The following VWC2L variants were observed in gnomAD, a reference collection of about 807,000 sequenced individuals.
The protein encoded by VWC2L is von Willebrand factor C domain-containing protein 2-like.
Under a neutral mutation model 21.6 loss-of-function variants are expected in VWC2L, and 10 were observed. The ratio of observed to expected loss-of-function variants is 0.46; its 90% CI spans 0.29 to 0.78. The LOEUF is 0.78. Ranked by LOEUF, VWC2L falls within the 30% of genes least tolerant of loss-of-function variation. VWC2L has a pLI of 0.10. For missense variants in VWC2L, 209 were observed against 277.1 expected, an observed-to-expected ratio of 0.75 and a Z score of 1.74; for synonymous variants, 96 against 94.3, an observed-to-expected ratio of 1.02 and a Z score of -0.10.
At chr2:214,531,513 T>TC (rs1251223148) in intron 3 of VWC2L, among the ~76,000 whole-genome samples, 4 of 152,152 alleles carry the variant, frequency 2.6e-5, no homozygotes, top group African/African-American at 9.7e-5. Context: ...TTAGATCTAT[T>TC]CTACAGGTAA....
intron 3 of VWC2L, among the ~76,000 whole-genome samples, chr2:214,534,786 A>G (rs1192695080): frequency 6.6e-6 from 1 of 152,132 alleles, no homozygotes; most frequent in Non-Finnish European, 1.5e-5. Flanking sequence ...TCCAGTTCTG[A>G]AAGTCTGTGA....
At chr2:214,442,450 A>G (rs1277129058) in intron 3 of VWC2L, among the ~76,000 whole-genome samples, 1 of 152,210 alleles carries the variant, frequency 6.6e-6, no homozygotes, top group African/African-American at 2.4e-5. Flanking sequence ...TCACTAAAAA[A>G]TCAAATTAGA....
At chr2:214,445,134 T>C (rs1009223519) in intron 3 of VWC2L, among the ~76,000 whole-genome samples, 4 of 151,902 alleles carry the variant, frequency 2.6e-5, no homozygotes, top group African/African-American at 7.2e-5. Flanking sequence ...AGGTAAAATG[T>C]AACAAGCATT....
intron 3 of VWC2L, among the ~76,000 whole-genome samples, chr2:214,464,376 A>G (rs1703186202): frequency 6.6e-6 from 1 of 152,168 alleles, no homozygotes; most frequent in African/African-American, 2.4e-5. Context: ...GACCAGTAAC[A>G]CCGAGACTCT....
At chr2:214,461,813 T>G (rs921771117) in intron 3 of VWC2L, among the ~76,000 whole-genome samples, 1 of 152,070 alleles carries the variant, frequency 6.6e-6, no homozygotes, top group Non-Finnish European at 1.5e-5. Flanking sequence ...AGTGGCGGTA[T>G]GTGGAGAAAG....
In VWC2L at chr2:214,488,311, C is replaced by T. The variant is rs796559877; in HGVS notation, c.520+51553C>T. Among the ~76,000 whole-genome samples the T allele has an allele frequency of 6.6e-5, 10 of 152,274 alleles. 1 individual carries two copies. Among genetic ancestry groups the T allele is most frequent in the African/African-American group, 2.4e-4 (10 of 41,568 alleles). ...AGAGAATTCAACCTGGTCAAGAAGT[C>T]ACAAGGCTGGGCATGGTGGTTCACA... On this transcript the variant is annotated intron_variant, in intron 3 of 3. Transcript: ENST00000312504.
At position 214,436,722 on chromosome 2, in the gene VWC2L, T is replaced by G; in HGVS notation, c.484T>G (p.Tyr162Asp). The part of the protein sequence containing the change: ...CAVPECVNPV[Y>D]EPEQCCPVCK... ...AGTTCCTGAGTGTGTCAACCCAGTCTATGAACCAGAACAATGTTGTCCTGT... is the reference window on the plus strand; with the variant it reads ...AGTTCCTGAGTGTGTCAACCCAGTCGATGAACCAGAACAATGTTGTCCTGT... Residue 162 changes from tyrosine to aspartate, a missense_variant, in exon 3 of 4, where the codon TAT (tyrosine) becomes GAT (aspartate). Physicochemically the swap from Tyr to Asp is radical, Grantham distance 160. Transcript: ENST00000312504. The G allele has an allele frequency of 6.2e-7, 1 of 1,613,388 alleles. No individual in the cohort carries two copies. The highest frequency in any genetic ancestry group is 8.5e-7 in the Non-Finnish European group (1 of 1,179,458).
chr2:214,440,621 T>G (rs1702752111), intron 3 of VWC2L, among the ~76,000 whole-genome samples: 1 of 152,120 alleles, frequency 6.6e-6, no homozygotes, highest in South Asian at 2.1e-4. Flanking sequence ...TGTGGCTATA[T>G]GTATATATTT....
chr2:214,559,219 C>CA (rs1689924680), intron 3 of VWC2L, among the ~76,000 whole-genome samples: 1 of 151,810 alleles, frequency 6.6e-6, no homozygotes, highest in Non-Finnish European at 1.5e-5. Flanking sequence ...TTTATGCAGC[C>CA]AAAAAACACA....
chr2:214,418,955 A>G (rs1388461759), intron 2 of VWC2L, among the ~76,000 whole-genome samples: 1 of 152,190 alleles, frequency 6.6e-6, no homozygotes, highest in Non-Finnish European at 1.5e-5. Flanking sequence ...ATGACTACCC[A>G]GTGTTTTAGC....
intron 3 of VWC2L, among the ~76,000 whole-genome samples, chr2:214,539,102 G>A (rs982221514): frequency 1.3e-4 from 20 of 152,012 alleles, no homozygotes; most frequent in Non-Finnish European, 5.9e-5. Flanking sequence ...TTTTTAAAAG[G>A]CAACGTGATG....
At chr2:214,420,713 T>G (rs1702425776) in intron 2 of VWC2L, among the ~76,000 whole-genome samples, 3 of 152,318 alleles carry the variant, frequency 2.0e-5, no homozygotes, top group Admixed American at 2.0e-4. Context: ...GGGGCATTTT[T>G]AAGATACTAT....
In VWC2L at chr2:214,538,210, G is replaced by T. The variant is rs79571027; in HGVS notation, c.521-37462G>T. ...CACTATTCATTGACAACCGCTAAATGGCTCTTCATGAACTGTTCATTCACT... is the reference window on the plus strand; with the variant it reads ...CACTATTCATTGACAACCGCTAAATTGCTCTTCATGAACTGTTCATTCACT... On this transcript the variant is annotated intron_variant, in intron 3 of 3. Transcript: ENST00000312504. Among the ~76,000 whole-genome samples the T allele has an allele frequency of 2.0e-3, 304 of 152,072 alleles. 3 individuals carry two copies. The East Asian group carries it at 0.031, about 16-fold the overall frequency.
At chr2:214,462,958 T>C (rs1703163493) in intron 3 of VWC2L, among the ~76,000 whole-genome samples, 1 of 152,332 alleles carries the variant, frequency 6.6e-6, no homozygotes, top group African/African-American at 2.4e-5. Context: ...TGTCTGTTTG[T>C]GATTTAATTC....
intron 3 of VWC2L, among the ~76,000 whole-genome samples, chr2:214,559,295 C>T (rs1467182139): frequency 6.6e-6 from 1 of 152,154 alleles, no homozygotes; most frequent in Non-Finnish European, 1.5e-5. Flanking sequence ...GAGAAACCAT[C>T]TCACACCAGT....
rs190991547 is a variant in VWC2L, at chr2:214,574,823, C to T, written c.521-849C>T. 9.1e-4 allele frequency among the ~76,000 whole-genome samples: 138 copies of T among 151,306 alleles called. 1 individual carries two copies. Among genetic ancestry groups the T allele is most frequent in the Non-Finnish European group, 1.5e-3 (99 of 67,886 alleles). On this transcript the variant is annotated intron_variant, in intron 3 of 3. Transcript: ENST00000312504. ...CTAACACTGAACACTGATATTCCTA[C>T]GTTGGGAAGGTCAAAAAATGCAAGA...
chr2:214,486,051 A>G (rs1688668153), intron 3 of VWC2L, among the ~76,000 whole-genome samples: 1 of 152,086 alleles, frequency 6.6e-6, no homozygotes, highest in Admixed American at 6.5e-5. Context: ...GTGTCATGTA[A>G]TATGTGTACT....
Position 214,575,792 on chromosome 2 carries a change from G to A in VWC2L, c.641G>A (p.Arg214His), listed in dbSNP as rs752593242. 1.3e-5 allele frequency: 21 copies of A among 1,613,250 alleles called. No individual in the cohort carries two copies. Among genetic ancestry groups the A allele is most frequent in the South Asian group, 4.4e-5 (4 of 91,066 alleles). ...DWWKPAQCSK[R>H]ECQGKQTV ...TGGAAGCCTGCTCAGTGTTCGAAAC[G>A]TGAATGCCAAGGCAAGCAGACTGTG... The change falls in exon 4 of 4, where the codon CGT (arginine) becomes CAT (histidine). Residue 214 changes from arginine (R) to histidine (H), a missense_variant. Transcript: ENST00000312504.
intron 3 of VWC2L, among the ~76,000 whole-genome samples, chr2:214,506,684 ATTATAATAAATTCGTAATATCGAG>A (rs79221002): frequency 0.35 from 52,556 of 152,014 alleles, 10,521 homozygotes; most frequent in South Asian, 0.47. Flanking sequence ...CATAGAAAAT[ATTATAATAAATTCGTAATATCGAG>A]TTAGAATAAC....
Sources: allele counts gnomAD v4.1 joint callset (sites outside exome capture counted in the v4.1 genomes callset), GRCh38; gene constraint gnomAD v4.1.1; transcripts MANE v1.5; gene names NCBI Gene and HGNC (gene_info 2026-07-23, HGNC 2026-07-21).